The following DYNC1LI1 variants were observed in gnomAD, a reference collection of about 807,000 sequenced individuals.
DYNC1LI1 encodes the protein dynein cytoplasmic 1 light intermediate chain 1.
DYNC1LI1 carries 19 observed loss-of-function variants against 63.8 expected under a neutral mutation model. The observed-to-expected ratio is 0.30, with a 90% CI of 0.21 to 0.44. The LOEUF is 0.44. Ranked by LOEUF, DYNC1LI1 falls within the 20% of genes least tolerant of loss-of-function variation. The probability of loss-of-function intolerance (pLI) is 1.00; values close to 1 mark genes in which losing one functional copy is unlikely to be tolerated. For synonymous variants in DYNC1LI1, 225 were observed against 232.3 expected (o/e 0.97, Z 0.28); for missense variants, 565 against 630.2 (o/e 0.90, Z 1.11).
At chr3:32,550,572 A>G (rs950560586) in intron 2 of DYNC1LI1, among the ~76,000 whole-genome samples, 1 of 152,236 alleles carries the variant, frequency 6.6e-6, no homozygotes, top group African/African-American at 2.4e-5. Context: ...TCATAAGATC[A>G]GAGTTTATTC....
intron 5 of DYNC1LI1, among the ~76,000 whole-genome samples, chr3:32,538,794 C>A (rs1037686781): frequency 3.9e-5 from 6 of 152,052 alleles, no homozygotes; most frequent in African/African-American, 1.4e-4. Flanking sequence ...TAAGAGAAAT[C>A]TCCATTTCCG....
intron 2 of DYNC1LI1, among the ~76,000 whole-genome samples, chr3:32,552,391 G>A (rs1408318761): frequency 1.3e-5 from 2 of 151,960 alleles, no homozygotes; most frequent in African/African-American, 2.4e-5. Context: ...CAAACTCCCG[G>A]CCTCAAGCAT....
At chr3:32,536,434 G>A (rs1697774497) in intron 6 of DYNC1LI1, among the ~76,000 whole-genome samples, 1 of 152,032 alleles carries the variant, frequency 6.6e-6, no homozygotes, top group Admixed American at 6.6e-5. Flanking sequence ...TATTTTAGCT[G>A]TAATTATTAC....
At chr3:32,537,902 T>A (rs1428536074) in intron 5 of DYNC1LI1, among the ~76,000 whole-genome samples, 6 of 50,020 alleles carry the variant, frequency 1.2e-4, no homozygotes, top group Non-Finnish European at 1.5e-4. Flanking sequence ...ATATATATAA[T>A]ATATATATAT....
In DYNC1LI1 at chr3:32,544,999, C is replaced by T. The variant is rs141416745; in HGVS notation, c.445G>A (p.Val149Ile). 3.7e-4 allele frequency: 600 copies of T among 1,614,044 alleles called. 2 individuals are homozygous for T. The highest frequency in any genetic ancestry group is 8.1e-4 in the South Asian group (74 of 91,076). Reference protein sequence around the residue: ...VSLKDTLVMLVVDMSKPWTAL... With the variant: ...VSLKDTLVMLIVDMSKPWTAL... ...GTCCAAGGCTTTGACATGTCAACAACCAGCATAACTAGAGTATCCTTCAGA... is the reference window on the plus strand; with the variant it reads ...GTCCAAGGCTTTGACATGTCAACAATCAGCATAACTAGAGTATCCTTCAGA... The change falls in exon 4 of 13, where the codon GTT becomes ATT. Residue 149 changes from valine (V) to isoleucine (I), a missense_variant. Physicochemically the swap from Val to Ile is conservative, Grantham distance 29. Coordinates refer to ENST00000273130, the MANE Select transcript of DYNC1LI1 (RefSeq NM_016141.4).
chr3:32,558,130 A>T (rs931853677), intron 2 of DYNC1LI1, among the ~76,000 whole-genome samples: 4 of 152,106 alleles, frequency 2.6e-5, no homozygotes, highest in African/African-American at 9.7e-5. Context: ...GCTACTCAGG[A>T]GGCTGAGGTG....
Position 32,530,264 on chromosome 3 carries a change from T to C in DYNC1LI1, c.1185+20A>G. The C allele has an allele frequency of 6.3e-7, 1 of 1,589,572 alleles. No homozygotes were observed. The highest frequency in any genetic ancestry group is 8.5e-7 in the Non-Finnish European group (1 of 1,171,962). On this transcript the variant is annotated intron_variant, in intron 10 of 12. Transcript: ENST00000273130. ...TATGTACTGCATTTTAATCATTTTG[T>C]CAAAATTTGTAATACTGACCACAGG...
chr3:32,538,346 T>G (rs1445717937), intron 5 of DYNC1LI1, among the ~76,000 whole-genome samples: 1 of 151,462 alleles, frequency 6.6e-6, no homozygotes, highest in Non-Finnish European at 1.5e-5. Context: ...TGATTAAAAA[T>G]AATTATTATA....
In DYNC1LI1 at chr3:32,530,271, T is replaced by C. The variant is rs555665546; in HGVS notation, c.1185+13A>G. 1.6e-5 allele frequency: 26 copies of C among 1,595,738 alleles called. No individual in the cohort carries two copies. Among genetic ancestry groups the C allele is most frequent in the Non-Finnish European group, 2.2e-5 (26 of 1,174,588 alleles). On this transcript the variant is annotated intron_variant, in intron 10 of 12. Coordinates refer to ENST00000273130, the MANE Select transcript of DYNC1LI1 (RefSeq NM_016141.4). ...TGCATTTTAATCATTTTGTCAAAAT[T>C]TGTAATACTGACCACAGGCCTTCCA...
intron 9 of DYNC1LI1, 23 bp from the exon 10 acceptor site, chr3:32,530,351 A>AG (rs766916517): frequency 1.9e-6 from 3 of 1,593,668 alleles, no homozygotes; most frequent in Admixed American, 3.5e-5. Context: ...AAAAAAAAGA[A>AG]TCCTAGTTTA....
chr3:32,540,681 CAAA>C (rs556985128), intron 5 of DYNC1LI1, among the ~76,000 whole-genome samples: 3 of 52,644 alleles, frequency 5.7e-5, no homozygotes, highest in Non-Finnish European at 8.4e-5. Flanking sequence ...AACTCCGTCT[CAAA>C]AAAAAAAAAA....
intron 2 of DYNC1LI1, among the ~76,000 whole-genome samples, chr3:32,563,006 G>A (rs899823845): frequency 2.0e-5 from 3 of 151,756 alleles, no homozygotes; most frequent in Non-Finnish European, 4.4e-5. Context: ...AAAATATTTC[G>A]TGACCTATTT....
chr3:32,570,695 A>T lies in DYNC1LI1; in HGVS notation c.76T>A (p.Leu26Met). Residue 26 changes from leucine to methionine, a missense_variant, in exon 1 of 13, where the codon TTG becomes ATG. By Grantham distance (15) the Leu-to-Met change is conservative. Coordinates refer to ENST00000273130, the MANE Select transcript of DYNC1LI1 (RefSeq NM_016141.4). ...GLSSTYTGGP[L>M]GNEIASGNGG... is the part of the protein sequence containing the mutation. ...TTGCCCGACGCTATCTCGTTGCCCA[A>T]GGGGCCGCCAGTGTAAGTCGAGGAT... The T allele has an allele frequency of 6.2e-7, 1 of 1,608,408 alleles. No individual in the cohort carries two copies. The highest frequency in any genetic ancestry group is 8.5e-7 in the Non-Finnish European group (1 of 1,177,602).
chr3:32,534,825 C>T (rs544834796), intron 6 of DYNC1LI1, among the ~76,000 whole-genome samples, 179 bp from the exon 7 acceptor site: 1 of 152,230 alleles, frequency 6.6e-6, no homozygotes, highest in Non-Finnish European at 1.5e-5. Context: ...ATATGGGCTA[C>T]AATTAATAAA....
At chr3:32,558,798 A>C (rs1304355920) in intron 2 of DYNC1LI1, among the ~76,000 whole-genome samples, 1 of 151,944 alleles carries the variant, frequency 6.6e-6, no homozygotes, top group Non-Finnish European at 1.5e-5. Context: ...GTAAGCCAAG[A>C]TCGCACCATT....
chr3:32,566,675 T>C, intron 2 of DYNC1LI1: 1 of 430,010 alleles, frequency 2.3e-6, no homozygotes, highest in Non-Finnish European at 4.6e-6. Context: ...GAGGTGGAGG[T>C]TGCAGTGAGC....
rs1299526270 is a variant in DYNC1LI1 at position 32,533,222 on chromosome 3, C to CT, written c.969-126dup. The CT allele has an allele frequency of 7.4e-6, 10 of 1,353,756 alleles. No individual in the cohort carries two copies. In the African/African-American group the frequency reaches 1.2e-4, roughly 17 times the overall value. The allele number at this position is 1,353,756 out of a possible 1,614,324, so 83.9% of individuals were successfully genotyped here. The stretch of plus-strand genomic sequence containing the variant: ...TGAACAATTATGGAAAACGAATTAG[C>CT]TTTTCATTATGATGTCCACGTTTTA... On this transcript the variant is annotated intron_variant, in intron 7 of 12. Coordinates refer to ENST00000273130, the MANE Select transcript of DYNC1LI1 (RefSeq NM_016141.4).
At chr3:32,554,946 T>A (rs544713526) in intron 2 of DYNC1LI1, among the ~76,000 whole-genome samples, 1 of 145,964 alleles carries the variant, frequency 6.9e-6, no homozygotes, top group South Asian at 2.2e-4. Context: ...CTTGGCTCAC[T>A]GCAACCTCCG....
chr3:32,535,195 C>T (rs976023566), intron 6 of DYNC1LI1, among the ~76,000 whole-genome samples: 9 of 152,156 alleles, frequency 5.9e-5, no homozygotes, highest in Admixed American at 5.2e-4. Flanking sequence ...AGGAATAACC[C>T]AAGGCAAAAG....
Sources: allele counts gnomAD v4.1 joint callset (sites outside exome capture counted in the v4.1 genomes callset), GRCh38; gene constraint gnomAD v4.1.1; transcripts MANE v1.5; gene names NCBI Gene and HGNC (gene_info 2026-07-23, HGNC 2026-07-21).